KCND2: variants seen among roughly 807,000 people sequenced by gnomAD.
KCND2 encodes the protein A-type voltage-gated potassium channel KCND2.
Under a neutral mutation model 54.4 loss-of-function variants are expected in KCND2, and 16 were observed. The ratio of observed to expected loss-of-function variants is 0.29; its 90% confidence interval spans 0.20 to 0.45. The LOEUF (loss-of-function observed/expected upper bound fraction) is 0.45. KCND2 is among the 20% of genes least tolerant of loss of function. KCND2 has a pLI of 1.00. For synonymous variants in KCND2, 317 were observed against 310.7 expected, an observed-to-expected ratio of 1.02 and a Z score of -0.21; for missense variants, 486 against 824.2, an observed-to-expected ratio of 0.59 and a Z score of 5.02.
intron 1 of KCND2, among the ~76,000 whole-genome samples, chr7:120,579,703 T>A (rs867996336): frequency 4.9e-4 from 74 of 151,172 alleles, no homozygotes; most frequent in Admixed American, 2.1e-3. Context: ...TTTCTTTTTT[T>A]TAAAAAAAAT....
chr7:120,280,430 A>G (rs1033127162), intron 1 of KCND2, among the ~76,000 whole-genome samples: 7 of 152,108 alleles, frequency 4.6e-5, no homozygotes, highest in African/African-American at 1.7e-4. Flanking sequence ...TTATTTCAAC[A>G]TAGTACCCTA....
intron 1 of KCND2, among the ~76,000 whole-genome samples, chr7:120,391,977 A>T (rs1322980066): frequency 6.6e-6 from 1 of 152,036 alleles, no homozygotes; most frequent in African/African-American, 2.4e-5. Context: ...TGTTTTATTC[A>T]TGCAATCTTT....
At chr7:120,601,878 G>GCCT (rs1469728723) in intron 1 of KCND2, among the ~76,000 whole-genome samples, 2 of 152,154 alleles carry the variant, frequency 1.3e-5, no homozygotes, top group Non-Finnish European at 2.9e-5. Context: ...CTAATTTATA[G>GCCT]GTTCACCTGC....
intron 1 of KCND2, among the ~76,000 whole-genome samples, chr7:120,557,076 T>G (rs907197292): frequency 2.0e-5 from 3 of 152,196 alleles, no homozygotes; most frequent in African/African-American, 7.2e-5. Context: ...TCAATGTTGC[T>G]TACTCTAATC....
chr7:120,524,278 T>C (rs1791743687), intron 1 of KCND2, among the ~76,000 whole-genome samples: 1 of 151,434 alleles, frequency 6.6e-6, no homozygotes, highest in Non-Finnish European at 1.5e-5. Context: ...CAACTAAAGA[T>C]GTATACTAAG....
chr7:120,455,479 T>C (rs1471655439), intron 1 of KCND2, among the ~76,000 whole-genome samples: 2 of 152,174 alleles, frequency 1.3e-5, no homozygotes, highest in Non-Finnish European at 2.9e-5. Flanking sequence ...ATCCCATTAT[T>C]GGGTATATAC....
At chr7:120,501,086 G>A (rs1180742169) in intron 1 of KCND2, among the ~76,000 whole-genome samples, 1 of 151,928 alleles carries the variant, frequency 6.6e-6, no homozygotes, top group Non-Finnish European at 1.5e-5. Flanking sequence ...GTTTAAGTAA[G>A]GTTACTTACT....
At chr7:120,692,103 G>A (rs1028091011) in intron 1 of KCND2, among the ~76,000 whole-genome samples, 7 of 152,184 alleles carry the variant, frequency 4.6e-5, no homozygotes, top group Admixed American at 1.3e-4. Context: ...AGATGCATCA[G>A]CAATGACAAT....
intron 4 of KCND2, among the ~76,000 whole-genome samples, chr7:120,744,241 A>G (rs1172139706): frequency 1.3e-5 from 2 of 152,090 alleles, no homozygotes; most frequent in East Asian, 1.9e-4. Context: ...CAGCCTGGGC[A>G]AAAAGAGCTA....
At chr7:120,563,953 C>T (rs1584829923) in intron 1 of KCND2, among the ~76,000 whole-genome samples, 1 of 152,166 alleles carries the variant, frequency 6.6e-6, no homozygotes, top group East Asian at 1.9e-4. Context: ...TGCCTCTTTA[C>T]ATATAATCTA....
At chr7:120,325,857 G>C (rs1014894621) in intron 1 of KCND2, among the ~76,000 whole-genome samples, 2 of 151,980 alleles carry the variant, frequency 1.3e-5, no homozygotes, top group Non-Finnish European at 2.9e-5. Context: ...GTCAAACTTG[G>C]GTCCTAAAGG....
At chr7:120,566,037 A>G (rs1792293015) in intron 1 of KCND2, among the ~76,000 whole-genome samples, 1 of 152,198 alleles carries the variant, frequency 6.6e-6, no homozygotes. Flanking sequence ...GATGGTTATC[A>G]TAAATAGAAA....
chr7:120,462,306 A>G (rs893579072), intron 1 of KCND2, among the ~76,000 whole-genome samples: 1 of 151,932 alleles, frequency 6.6e-6, no homozygotes, highest in Admixed American at 6.6e-5. Context: ...AGGCAAGGTT[A>G]TTAAACTTGA....
At chr7:120,335,464 C>T (rs201463513) in intron 1 of KCND2, among the ~76,000 whole-genome samples, 79 of 139,232 alleles carry the variant, frequency 5.7e-4, no homozygotes, top group African/African-American at 1.5e-3. Context: ...TATTTACTTA[C>T]TTACTTATTT....
At chr7:120,535,333 A>G (rs1393388790) in intron 1 of KCND2, among the ~76,000 whole-genome samples, 1 of 152,046 alleles carries the variant, frequency 6.6e-6, no homozygotes, top group Non-Finnish European at 1.5e-5. Flanking sequence ...CTACCATTTC[A>G]TTACAGTTTC....
intron 1 of KCND2, among the ~76,000 whole-genome samples, chr7:120,360,392 A>C (rs189818113): frequency 1.3e-5 from 2 of 152,000 alleles, no homozygotes; most frequent in African/African-American, 4.8e-5. Flanking sequence ...TTTGATCTCT[A>C]TCTGCCCTTT....
At chr7:120,614,015 GA>G (rs1792990405) in intron 1 of KCND2, among the ~76,000 whole-genome samples, 1 of 149,170 alleles carries the variant, frequency 6.7e-6, no homozygotes, top group African/African-American at 2.5e-5. Flanking sequence ...ATCTTTGTTG[GA>G]TTTTTTTTTT....
At chr7:120,570,728 T>C (rs1792355691) in intron 1 of KCND2, among the ~76,000 whole-genome samples, 2 of 152,156 alleles carry the variant, frequency 1.3e-5, no homozygotes, top group African/African-American at 4.8e-5. Flanking sequence ...TATAGTTTTA[T>C]TTCTATAATG....
intron 1 of KCND2, among the ~76,000 whole-genome samples, chr7:120,698,228 T>A (rs943163711): frequency 1.1e-4 from 16 of 152,166 alleles, no homozygotes; most frequent in African/African-American, 3.6e-4. Context: ...TTGGCCAGGC[T>A]GGTCTCGAAC....
Sources: gnomAD v4.1 joint callset for allele counts (sites outside exome capture counted in the v4.1 genomes callset) on GRCh38, gnomAD v4.1.1 for gene constraint, MANE v1.5 for transcripts, NCBI Gene and HGNC (gene_info 2026-07-23, HGNC 2026-07-21) for gene names.